Variants in LPL observed in about 807,000 individuals in gnomAD.
LPL encodes the protein lipoprotein lipase.
Under a neutral mutation model 52.2 loss-of-function variants are expected in LPL, and 43 were observed. The ratio of observed to expected loss-of-function variants is 0.82; its 90% confidence interval spans 0.64 to 1.06. LPL has a LOEUF of 1.06. Among genes scored for constraint, LPL ranks in the 50% least tolerant of loss-of-function variants. LPL has a pLI of 0.00. For synonymous variants in LPL, 244 were observed against 215.6 expected (o/e 1.13, Z -1.15); for missense variants, 639 against 585.3 (o/e 1.09, Z -0.95).
chr8:19,957,842 T>C (rs888355714), intron 6 of LPL, among the ~76,000 whole-genome samples: 71 of 152,092 alleles, frequency 4.7e-4, no homozygotes, highest in African/African-American at 1.6e-3. Context: ...AGCATAAAAA[T>C]ATGGTCTGCT....
In LPL at chr8:19,959,206, G is replaced by A. The variant is rs73601683; in HGVS notation, c.1019-54G>A. The A allele has an allele frequency of 1.1e-3, 1,742 of 1,612,392 alleles. 19 individuals are homozygous for A. In the African/African-American group the frequency reaches 0.02, roughly 19 times the overall value. On this transcript the variant is annotated intron_variant, in intron 6 of 9. Transcript: ENST00000650287. ...GTTCTGAATTGCCTGACTATTTGGG[G>A]TTGTGATATTTTCATAAAGATTGAT... is the stretch of plus-strand genomic sequence containing the variant.
chr8:19,963,617 T>TAAA (rs1163687932), intron 9 of LPL, among the ~76,000 whole-genome samples: 8 of 152,096 alleles, frequency 5.3e-5, no homozygotes, highest in Non-Finnish European at 1.2e-4. Context: ...ACAACCCCAA[T>TAAA]TAACGTTTTT....
At chr8:19,949,965 T>A (rs189417962) in intron 2 of LPL, among the ~76,000 whole-genome samples, 137 of 152,352 alleles carry the variant, frequency 9.0e-4, no homozygotes, top group African/African-American at 3.2e-3. Flanking sequence ...AAAATGGTTC[T>A]TTTTCATACT....
chr8:19,954,411 C>A, intron 5 of LPL, 58 bp downstream of exon 5: 3 of 1,491,744 alleles, frequency 2.0e-6, no homozygotes, highest in South Asian at 1.1e-5. Flanking sequence ...CTTATTGACC[C>A]AATGTCCTAC....
rs936779100 is a variant in LPL at position 19,965,335 on chromosome 8, G to A, written c.*25G>A. The A allele has an allele frequency of 2.3e-5, 18 of 780,528 alleles. No homozygotes were observed. Among genetic ancestry groups the A allele is most frequent in the Non-Finnish European group, 3.6e-5 (15 of 417,972 alleles). 48.4% of individuals were successfully genotyped at this position (780,528 alleles called of 1,614,324 possible). A position where few individuals can be genotyped will look rare whatever the true frequency, so the allele number is the denominator to read the frequency against. On this transcript the variant is annotated 3_prime_UTR_variant, in exon 10 of 10. Coordinates refer to ENST00000650287, the MANE Select transcript of LPL (RefSeq NM_000237.3). ...AAACTGGGCGAATCTACAGAACAAA[G>A]AACGGCATGTGAATTCTGTGAAGAA... is the stretch of plus-strand genomic sequence containing the variant.
Position 19,965,410 on chromosome 8 carries a change from T to C in LPL, c.*100T>C. On this transcript the variant is annotated 3_prime_UTR_variant, in exon 10 of 10. Transcript: ENST00000650287. The stretch of plus-strand genomic sequence containing the variant: ...AAAACATACCCAGTGTTTGGGGTGT[T>C]TCAAAAGTGGATTTTCCTGAATATT... The C allele has an allele frequency of 1.3e-6, 1 of 765,254 alleles. No homozygotes were observed. Among genetic ancestry groups the C allele is most frequent in the Non-Finnish European group, 2.4e-6 (1 of 411,160 alleles). The allele number at this position is 765,254 out of a possible 1,614,324, so 47.4% of individuals were successfully genotyped here. A position where few individuals can be genotyped will look rare whatever the true frequency, so the allele number is the denominator to read the frequency against.
chr8:19,941,233 T>A (rs1412516255), intron 1 of LPL, among the ~76,000 whole-genome samples: 1 of 152,222 alleles, frequency 6.6e-6, no homozygotes, highest in African/African-American at 2.4e-5. Flanking sequence ...TTAGGTGGGG[T>A]ATGTTTCGTA....
At chr8:19,963,806 A>G (rs1326935505) in intron 9 of LPL, among the ~76,000 whole-genome samples, 4 of 152,222 alleles carry the variant, frequency 2.6e-5, no homozygotes, top group Admixed American at 2.0e-4. Flanking sequence ...GTATTGAGCC[A>G]GGCAAAATAA....
intron 2 of LPL, 176 bp from the exon 3 acceptor site, chr8:19,951,593 G>A (rs949120713): frequency 2.6e-6 from 2 of 762,248 alleles, no homozygotes; most frequent in Non-Finnish European, 4.6e-6. Context: ...ACTTAGATCT[G>A]CCTTGGAAGG....
intron 8 of LPL, among the ~76,000 whole-genome samples, 176 bp downstream of exon 8, chr8:19,961,259 C>CGGGGGGGGG (rs2070036431): frequency 8.4e-6 from 1 of 119,304 alleles, no homozygotes; most frequent in African/African-American, 3.2e-5. Context: ...TTTTGGGGGG[C>CGGGGGGGGG]AGGGGGGGGG....
At chr8:19,942,530 T>C (rs961405467) in intron 1 of LPL, among the ~76,000 whole-genome samples, 5 of 152,212 alleles carry the variant, frequency 3.3e-5, no homozygotes, top group Non-Finnish European at 5.9e-5. Context: ...GGATCATCTA[T>C]CCATTAAATG....
intron 7 of LPL, among the ~76,000 whole-genome samples, chr8:19,960,291 T>C (rs949937859): frequency 6.6e-6 from 1 of 152,160 alleles, no homozygotes; most frequent in Non-Finnish European, 1.5e-5. Context: ...CAAAATATTA[T>C]TACATAGAAG....
At chr8:19,961,810 T>G (rs953980394) in intron 8 of LPL, among the ~76,000 whole-genome samples, 2 of 152,108 alleles carry the variant, frequency 1.3e-5, no homozygotes, top group African/African-American at 4.8e-5. Context: ...ATGCAGATGC[T>G]AAGAGATGGC....
chr8:19,966,420 G>C lies in LPL; in HGVS notation c.*1110G>C, dbSNP rs1055633233. The C allele has an allele frequency of 1.3e-5, 2 of 152,192 alleles. No homozygotes were observed. The highest frequency in any genetic ancestry group is 4.8e-5 in the African/African-American group (2 of 41,454). 9.4% of individuals were successfully genotyped at this position (152,192 alleles called of 1,614,324 possible). On this transcript the variant is annotated 3_prime_UTR_variant, in exon 10 of 10. Coordinates refer to ENST00000650287, the MANE Select transcript of LPL (RefSeq NM_000237.3). ...AAGCAGTGCTTGTAAACCATCGCGT[G>C]CAATGAGCCAGATGGAGTACCATGA...
chr8:19,961,853 C>T (rs972356646), intron 8 of LPL, among the ~76,000 whole-genome samples: 20 of 152,074 alleles, frequency 1.3e-4, no homozygotes, highest in African/African-American at 4.8e-4. Context: ...TTGGTGAAAG[C>T]CCAGTAACAT....
chr8:19,953,233 A>G lies in LPL; in HGVS notation c.430-77A>G, dbSNP rs892297696. ...GTATTTCCTATATTTGGAAAACAATATTTATATTCATTTTGTTTCTTTTAG... is the reference window on the plus strand; with the variant it reads ...GTATTTCCTATATTTGGAAAACAATGTTTATATTCATTTTGTTTCTTTTAG... On this transcript the variant is annotated intron_variant, in intron 3 of 9. Coordinates refer to ENST00000650287, the MANE Select transcript of LPL (RefSeq NM_000237.3). 1.1e-5 allele frequency: 9 copies of G among 855,792 alleles called. 1 individual carries two copies. The highest frequency in any genetic ancestry group is 1.8e-5 in the Admixed American group (1 of 54,394). 53.0% of individuals were successfully genotyped at this position (855,792 alleles called of 1,614,324 possible).
intron 6 of LPL, among the ~76,000 whole-genome samples, chr8:19,958,758 A>G (rs1380561670): frequency 6.6e-6 from 1 of 152,162 alleles, no homozygotes; most frequent in Non-Finnish European, 1.5e-5. Flanking sequence ...AATTAAGAGC[A>G]TGGGCATGAT....
chr8:19,953,193 T>G, intron 3 of LPL, 117 bp from the exon 4 acceptor site: 3 of 690,620 alleles, frequency 4.3e-6, no homozygotes, highest in Non-Finnish European at 7.9e-6. Flanking sequence ...TTAAAATAAG[T>G]AGAATTAGTT....
chr8:19,940,405 G>T (rs3779787), intron 1 of LPL, among the ~76,000 whole-genome samples: 18,723 of 152,242 alleles, frequency 0.12, 1,405 homozygotes, highest in South Asian at 0.21. Flanking sequence ...CTGCGAGCAC[G>T]TGGGGTTGAC....
Sources: allele counts gnomAD v4.1 joint callset (sites outside exome capture counted in the v4.1 genomes callset), GRCh38; gene constraint gnomAD v4.1.1; transcripts MANE v1.5; gene names NCBI Gene and HGNC (gene_info 2026-07-23, HGNC 2026-07-21).